Variants in RTN1 observed in about 807,000 individuals in gnomAD.
The protein encoded by RTN1 is reticulon-1.
In RTN1, 25 loss-of-function variants were observed where a neutral mutation model predicts 65.5. The observed-to-expected ratio is 0.38, with a 90% CI of 0.28 to 0.53. The LOEUF (loss-of-function observed/expected upper bound fraction) is 0.53, where lower values mean the gene tolerates loss of function less well. Ranked by LOEUF, RTN1 falls within the 20% of genes least tolerant of loss-of-function variation. The pLI is 0.79. For missense variants in RTN1, 983 were observed against 1,025.4 expected, an observed-to-expected ratio of 0.96 and a Z score of 0.57; for synonymous variants, 471 against 447.6, an observed-to-expected ratio of 1.05 and a Z score of -0.66.
At chr14:59,612,543 C>G (rs1214251426) in intron 3 of RTN1, among the ~76,000 whole-genome samples, 2 of 152,162 alleles carry the variant, frequency 1.3e-5, no homozygotes, top group African/African-American at 4.8e-5. Context: ...GTACTTTGTG[C>G]TAAAAATTTG....
At chr14:59,749,968 T>TATACATATATTATATATTAC (rs1334733279) in intron 1 of RTN1, among the ~76,000 whole-genome samples, 29 of 93,056 alleles carry the variant, frequency 3.1e-4, no homozygotes, top group African/African-American at 1.2e-3. Flanking sequence ...ATATATATTA[T>TATACATATATTATATATTAC]ATACATATAT....
chr14:59,611,833 C>G (rs187230709), intron 3 of RTN1, among the ~76,000 whole-genome samples: 1 of 152,258 alleles, frequency 6.6e-6, no homozygotes, highest in Non-Finnish European at 1.5e-5. Context: ...CTGTCCATCT[C>G]CTCTTTGTCT....
At chr14:59,844,698 C>A (rs903042515) in intron 1 of RTN1, among the ~76,000 whole-genome samples, 3 of 152,232 alleles carry the variant, frequency 2.0e-5, no homozygotes, top group Admixed American at 6.5e-5. Flanking sequence ...ACAAACTATA[C>A]ACTTAAAAAA....
chr14:59,727,355 C>G lies in RTN1; in HGVS notation c.1329G>C (p.Ser443=), dbSNP rs756584587. The change falls in exon 3 of 9, where the codon TCG becomes TCC. Residue 443 remains serine, a synonymous_variant. Transcript: ENST00000267484. The surrounding 1 kb of genome is among the most constrained non-coding windows in gnomAD (Gnocchi z 4.2). ...SFGHVGGPPP[S]PASPSIQYSI... ...TGTACTGGATGGATGGCGAGGCGGG[C>G]GAGGGCGGCGGGCCGCCCACGTGGC... The G allele has an allele frequency of 1.3e-6, 2 of 1,506,740 alleles. No homozygotes were observed. The highest frequency in any genetic ancestry group is 8.9e-7 in the Non-Finnish European group (1 of 1,127,170). The allele number at this position is 1,506,740 out of a possible 1,614,324, so 93.3% of individuals were successfully genotyped here. A position where few individuals can be genotyped will look rare whatever the true frequency, so the allele number is the denominator to read the frequency against.
intron 3 of RTN1, among the ~76,000 whole-genome samples, chr14:59,629,430 T>C (rs1363884615): frequency 6.6e-6 from 1 of 152,248 alleles, no homozygotes; most frequent in Non-Finnish European, 1.5e-5. Flanking sequence ...GCCAGGTTTT[T>C]ACAAAATCAG....
At chr14:59,806,621 T>A (rs950307485) in intron 1 of RTN1, among the ~76,000 whole-genome samples, 1 of 152,176 alleles carries the variant, frequency 6.6e-6, no homozygotes, top group Non-Finnish European at 1.5e-5. Flanking sequence ...CCTCCCACCC[T>A]CCACCTTTGG....
intron 3 of RTN1, among the ~76,000 whole-genome samples, chr14:59,656,187 A>C (rs1004672838): frequency 6.6e-6 from 1 of 151,924 alleles, no homozygotes; most frequent in Non-Finnish European, 1.5e-5. Context: ...GTTTATAAAG[A>C]TGGAAAGCAG....
At chr14:59,792,359 T>TCACA (rs34220909) in intron 1 of RTN1, among the ~76,000 whole-genome samples, 9,223 of 144,800 alleles carry the variant, frequency 0.064, 370 homozygotes, top group African/African-American at 0.11. Flanking sequence ...AGAAAAGACT[T>TCACA]CACACACACA....
At chr14:59,644,236 G>T (rs1882842330) in intron 3 of RTN1, among the ~76,000 whole-genome samples, 1 of 152,148 alleles carries the variant, frequency 6.6e-6, no homozygotes, top group Non-Finnish European at 1.5e-5. Flanking sequence ...ACATGTATTA[G>T]GATTCATCAA....
At chr14:59,823,962 G>A (rs1239455545) in intron 1 of RTN1, among the ~76,000 whole-genome samples, 2 of 152,078 alleles carry the variant, frequency 1.3e-5, no homozygotes, top group Non-Finnish European at 2.9e-5. Context: ...TGTTCATTTT[G>A]TTATTAAATA....
chr14:59,706,689 CT>C (rs1462285726), intron 3 of RTN1, among the ~76,000 whole-genome samples: 1 of 152,220 alleles, frequency 6.6e-6, no homozygotes, highest in Non-Finnish European at 1.5e-5. Flanking sequence ...TTCTAATTAC[CT>C]GACCTCAGAA....
chr14:59,638,619 G>A (rs1320486823), intron 3 of RTN1, among the ~76,000 whole-genome samples: 2 of 152,148 alleles, frequency 1.3e-5, no homozygotes, highest in Non-Finnish European at 2.9e-5. Flanking sequence ...CATTTTTTAT[G>A]TCATGGAGAA....
chr14:59,767,576 G>C (rs1409712017), intron 1 of RTN1, among the ~76,000 whole-genome samples: 1 of 152,128 alleles, frequency 6.6e-6, no homozygotes, highest in Non-Finnish European at 1.5e-5. Flanking sequence ...TAAAACGACT[G>C]AGAATTACAA....
intron 2 of RTN1, among the ~76,000 whole-genome samples, chr14:59,732,859 AGGCCCACTG>A (rs1375376621): frequency 6.6e-6 from 1 of 152,186 alleles, no homozygotes; most frequent in East Asian, 1.9e-4. Context: ...TTACAAGATA[AGGCCCACTG>A]GCTCGGAATT....
At chr14:59,728,955 G>C (rs1884840355) in intron 2 of RTN1, among the ~76,000 whole-genome samples, 1 of 152,146 alleles carries the variant, frequency 6.6e-6, no homozygotes, top group Non-Finnish European at 1.5e-5. Context: ...AAAGTATATA[G>C]TATGTTAGAA....
chr14:59,611,497 G>A (rs544386885), intron 3 of RTN1, among the ~76,000 whole-genome samples: 144 of 152,130 alleles, frequency 9.5e-4, no homozygotes, highest in Non-Finnish European at 1.7e-3. Context: ...GTCCAGATTG[G>A]TGAGTATCCT....
intron 3 of RTN1, among the ~76,000 whole-genome samples, chr14:59,719,312 G>T (rs191122526): frequency 1.3e-5 from 2 of 152,130 alleles, no homozygotes; most frequent in Non-Finnish European, 1.5e-5. Context: ...TCTGGCCTTT[G>T]CATTTTATAT....
chr14:59,629,549 AC>A (rs1363584418), intron 3 of RTN1, among the ~76,000 whole-genome samples: 3 of 152,130 alleles, frequency 2.0e-5, no homozygotes, highest in Non-Finnish European at 4.4e-5. Context: ...AAAAGACACT[AC>A]CTCCGACAAA....
chr14:59,782,569 A>C (rs1886176008), intron 1 of RTN1, among the ~76,000 whole-genome samples: 1 of 152,222 alleles, frequency 6.6e-6, no homozygotes. Context: ...AATGGAAAGA[A>C]GTTAAGTCAG....
Sources: allele counts gnomAD v4.1 joint callset (sites outside exome capture counted in the v4.1 genomes callset), GRCh38; gene constraint gnomAD v4.1.1; non-coding constraint Gnocchi (gnomAD v3.1); transcripts MANE v1.5; gene names NCBI Gene and HGNC (gene_info 2026-07-23, HGNC 2026-07-21).